The following BOK variants were observed in gnomAD, a reference collection of about 807,000 sequenced individuals.
BOK encodes the protein bcl-2-related ovarian killer protein.
A neutral mutation model predicts 18.3 loss-of-function variants in BOK; 20 were observed. The ratio of observed to expected loss-of-function variants is 1.09; its 90% CI spans 0.77 to 1.59. BOK has a LOEUF of 1.59. Among genes scored for constraint, BOK ranks in the 40% most tolerant of loss-of-function variants. The pLI, the probability that BOK is intolerant of heterozygous loss-of-function variation, is 0.00. For synonymous variants in BOK, 173 were observed against 142.4 expected (o/e 1.21, Z -1.53); for missense variants, 348 against 307.9 (o/e 1.13, Z -0.97).
At chr2:241,552,565 G>C (rs1474460653) in intron 1 of BOK, among the ~76,000 whole-genome samples, 1 of 152,196 alleles carries the variant, frequency 6.6e-6, no homozygotes, top group Non-Finnish European at 1.5e-5. Context: ...ACCTATGCCT[G>C]AGGCTGCCGC....
chr2:241,565,157 G>A (rs1010763847), intron 3 of BOK, among the ~76,000 whole-genome samples: 1 of 152,120 alleles, frequency 6.6e-6, no homozygotes, highest in African/African-American at 2.4e-5. Flanking sequence ...CTGGAAAACC[G>A]GAGCCCACTC....
intron 3 of BOK, among the ~76,000 whole-genome samples, chr2:241,567,495 G>A (rs2066633807): frequency 1.5e-5 from 2 of 135,318 alleles, no homozygotes; most frequent in South Asian, 2.5e-4. Flanking sequence ...ACGCAGTGCT[G>A]ACATCAGGCT....
chr2:241,551,511 G>C (rs1033758129), intron 1 of BOK: 1 of 152,252 alleles, frequency 6.6e-6, no homozygotes, highest in Non-Finnish European at 1.5e-5. Context: ...TGAAGAAGTA[G>C]ACATTCTGGG....
upstream of BOK, among the ~76,000 whole-genome samples, chr2:241,558,529 A>G (rs999083861): frequency 1.6e-4 from 24 of 152,192 alleles, no homozygotes; most frequent in Non-Finnish European, 5.9e-5. Context: ...AGACAACCCA[A>G]TTTTCAAATG....
At position 241,558,893 on chromosome 2, in the gene BOK, G is replaced by C. The variant is rs947014750; in HGVS notation, c.-130G>C. 2 of 151,700 alleles carry C rather than the reference G, an allele frequency of 1.3e-5. No homozygotes were observed. The highest frequency in any genetic ancestry group is 2.9e-5 in the Non-Finnish European group (2 of 67,868). The allele number at this position is 151,700 out of a possible 1,614,324, so 9.4% of individuals were successfully genotyped here. On this transcript the variant is annotated 5_prime_UTR_variant, in exon 1 of 5. Transcript: ENST00000318407. ...GGGCGGGCGCCGGGGCGGGGCGCGCGTCCTCGCGGGTCTGAATGGAAGGGT... is the reference window on the plus strand; with the variant it reads ...GGGCGGGCGCCGGGGCGGGGCGCGCCTCCTCGCGGGTCTGAATGGAAGGGT...
chr2:241,559,481 G>T lies in BOK; in HGVS notation c.-3G>T. On this transcript the variant is annotated 5_prime_UTR_variant, in exon 2 of 5. Coordinates refer to ENST00000318407, the MANE Select transcript of BOK (RefSeq NM_032515.5). ...TGCGGCGCCCCCCACCCGCGTCGCCGCCATGGAGGTGCTGCGGCGCTCCTC... is the reference window on the plus strand; with the variant it reads ...TGCGGCGCCCCCCACCCGCGTCGCCTCCATGGAGGTGCTGCGGCGCTCCTC... 1 of 1,460,270 alleles carries T rather than the reference G, an allele frequency of 6.8e-7. No individual in the cohort carries two copies. Among genetic ancestry groups the T allele is most frequent in the East Asian group, 3.0e-5 (1 of 33,288 alleles). The allele number at this position is 1,460,270 out of a possible 1,614,324, so 90.5% of individuals were successfully genotyped here.
intron 3 of BOK, among the ~76,000 whole-genome samples, chr2:241,563,551 C>T (rs1021565880): frequency 6.6e-6 from 1 of 152,212 alleles, no homozygotes; most frequent in East Asian, 1.9e-4. Flanking sequence ...CGCAGGATTC[C>T]CTGAAGCTTG....
intron 1 of BOK, among the ~76,000 whole-genome samples, chr2:241,552,483 A>G (rs2066421595): frequency 1.3e-5 from 2 of 152,070 alleles, no homozygotes; most frequent in Admixed American, 1.3e-4. Flanking sequence ...ACAGCTCAGT[A>G]CCCCTTAGGG....
chr2:241,554,539 T>C (rs1473680216), upstream of BOK, among the ~76,000 whole-genome samples: 1 of 152,194 alleles, frequency 6.6e-6, no homozygotes, highest in Non-Finnish European at 1.5e-5. Context: ...GCCTGACTGC[T>C]TAACACCTTC....
Position 241,572,582 on chromosome 2 carries a change from AGGGGTGAGTG to A in BOK, c.*164_*173del. ...CCTCCGCAGACCCAGGCCCTCCGGA[AGGGGTGAGTG>A]GGGAGGGGCTTTCCTGAGCCTGGAG... On this transcript the variant is annotated 3_prime_UTR_variant, in exon 5 of 5. Coordinates refer to ENST00000318407, the MANE Select transcript of BOK (RefSeq NM_032515.5). 8.6e-7 allele frequency: 1 copy of A among 1,162,206 alleles called. No individual in the cohort carries two copies. Among genetic ancestry groups the A allele is most frequent in the Non-Finnish European group, 1.2e-6 (1 of 842,560 alleles). The allele number at this position is 1,162,206 out of a possible 1,614,324, so 72.0% of individuals were successfully genotyped here.
chr2:241,572,505 C>G lies in BOK; in HGVS notation c.*83C>G. 4.0e-6 allele frequency: 6 copies of G among 1,512,800 alleles called. No homozygotes were observed. Among genetic ancestry groups the G allele is most frequent in the Non-Finnish European group, 5.3e-6 (6 of 1,131,050 alleles). The allele number at this position is 1,512,800 out of a possible 1,614,324, so 93.7% of individuals were successfully genotyped here. A position where few individuals can be genotyped will look rare whatever the true frequency, so the allele number is the denominator to read the frequency against. On this transcript the variant is annotated 3_prime_UTR_variant, in exon 5 of 5. Coordinates refer to ENST00000318407, the MANE Select transcript of BOK (RefSeq NM_032515.5). ...CAGCACCCGAACACATCTTCCTCCT[C>G]CCCACCCGAGCCTGGAGCACTCTAA...
upstream of BOK, among the ~76,000 whole-genome samples, chr2:241,558,045 G>C (rs2066467317): frequency 2.8e-5 from 1 of 36,028 alleles, no homozygotes; most frequent in Admixed American, 3.8e-4. Flanking sequence ...CAGTGGGATA[G>C]AGTTCCGAGA....
At chr2:241,560,351 T>C (rs2066508186) in intron 2 of BOK, 1 of 930,456 alleles carries the variant, frequency 1.1e-6, no homozygotes, top group Non-Finnish European at 1.3e-6. Context: ...CCTGGGAATG[T>C]TTATGTGATG....
upstream of BOK, among the ~76,000 whole-genome samples, chr2:241,557,309 T>G (rs1485165705): frequency 2.8e-5 from 1 of 35,090 alleles, no homozygotes; most frequent in Non-Finnish European, 5.3e-5. Context: ...TTCTTTTTCC[T>G]TTTTTTTTTT....
intron 4 of BOK, among the ~76,000 whole-genome samples, chr2:241,572,051 G>A (rs1157183071): frequency 6.6e-6 from 1 of 152,234 alleles, no homozygotes; most frequent in Non-Finnish European, 1.5e-5. Context: ...CGGCCTGCCT[G>A]GCTGCCATCT....
rs1488666144 is a variant in BOK, at chr2:241,562,082, A to G, written c.221-266A>G. ...TCCCGCCCCACCGGCTTGGCCGGCT[A>G]GGCTTAGGGGCTGGCTCGTCAGAGG... On this transcript the variant is annotated intron_variant, in intron 2 of 4. Coordinates refer to ENST00000318407, the MANE Select transcript of BOK (RefSeq NM_032515.5). The surrounding 1 kb of genome is among the most constrained non-coding windows in gnomAD (Gnocchi z 4.5). 6.6e-6 allele frequency among the ~76,000 whole-genome samples: 1 copy of G among 152,200 alleles called. No individual in the cohort carries two copies.
intron 2 of BOK, among the ~76,000 whole-genome samples, 194 bp downstream of exon 2, chr2:241,559,897 C>A (rs968562544): frequency 6.6e-6 from 1 of 152,238 alleles, no homozygotes; most frequent in African/African-American, 2.4e-5. Flanking sequence ...ACAGGCCCCC[C>A]CATCAGCTGC....
chr2:241,561,407 G>A (rs1429241639), intron 2 of BOK, among the ~76,000 whole-genome samples: 1 of 151,940 alleles, frequency 6.6e-6, no homozygotes, highest in Non-Finnish European at 1.5e-5. Flanking sequence ...CCAGGTGGGA[G>A]CGTGGCAGTG....
chr2:241,556,689 C>T (rs2066454090), upstream of BOK, among the ~76,000 whole-genome samples: 1 of 151,654 alleles, frequency 6.6e-6, no homozygotes, highest in Non-Finnish European at 1.5e-5. Context: ...GATAGAAGTT[C>T]CATAGCTTTC....
Sources: allele counts gnomAD v4.1 joint callset (sites outside exome capture counted in the v4.1 genomes callset), GRCh38; gene constraint gnomAD v4.1.1; non-coding constraint Gnocchi (gnomAD v3.1); transcripts MANE v1.5; gene names NCBI Gene and HGNC (gene_info 2026-07-23, HGNC 2026-07-21).